The following TOMM70 variants were observed in gnomAD, a reference collection of about 807,000 sequenced individuals.
TOMM70 encodes translocase of outer mitochondrial membrane 70.
TOMM70 carries 13 observed loss-of-function variants against 73.6 expected under a neutral mutation model. That is an observed-to-expected ratio of 0.18 (90% CI 0.11 to 0.28). The LOEUF (loss-of-function observed/expected upper bound fraction) is 0.28, where lower values mean the gene tolerates loss of function less well. TOMM70 is among the 10% of genes least tolerant of loss of function. The pLI, the probability that TOMM70 is intolerant of heterozygous loss-of-function variation, is 1.00. For missense variants in TOMM70, 609 were observed against 747.5 expected, an observed-to-expected ratio of 0.81 and a Z score of 2.16; for synonymous variants, 257 against 271.2, an observed-to-expected ratio of 0.95 and a Z score of 0.51.
chr3:100,367,961 G>T, intron 11 of TOMM70, 83 bp downstream of exon 11: 1 of 1,385,986 alleles, frequency 7.2e-7, no homozygotes. Context: ...GAACATAACA[G>T]ACTTTAACAT....
At chr3:100,377,525 T>G in intron 6 of TOMM70, 180 bp downstream of exon 6, 1 of 607,100 alleles carries the variant, frequency 1.6e-6, no homozygotes, top group Non-Finnish European at 2.8e-6. Flanking sequence ...ATAAATATCA[T>G]TGATATTTAT....
At chr3:100,368,589 T>G (rs987578581) in intron 10 of TOMM70, among the ~76,000 whole-genome samples, 2 of 152,198 alleles carry the variant, frequency 1.3e-5, no homozygotes, top group Non-Finnish European at 2.9e-5. Context: ...CTTTTTGTTT[T>G]TTTTGGGACA....
intron 1 of TOMM70, among the ~76,000 whole-genome samples, chr3:100,387,459 C>A (rs766870993): frequency 6.6e-6 from 1 of 151,644 alleles, no homozygotes; most frequent in Non-Finnish European, 1.5e-5. Flanking sequence ...CCTGCCCCCC[C>A]AAAAAAGCAT....
At position 100,363,447 on chromosome 3, in the gene TOMM70, GAATA is replaced by G. The variant is rs961269480; in HGVS notation, c.*2113_*2116del. The G allele has an allele frequency of 5.9e-5, 9 of 152,558 alleles. No homozygotes were observed. Among genetic ancestry groups the G allele is most frequent in the Non-Finnish European group, 2.9e-5 (2 of 68,024 alleles). The allele number at this position is 152,558 out of a possible 1,614,324, so 9.5% of individuals were successfully genotyped here. A position where few individuals can be genotyped will look rare whatever the true frequency, so the allele number is the denominator to read the frequency against. Reference sequence around the variant, plus strand: ...TAAACTACCTATCTTTCTATTTAAAGAATAGATAGAAGAGCTTGAATGTAATATT... The same window carrying G: ...TAAACTACCTATCTTTCTATTTAAAGGATAGAAGAGCTTGAATGTAATATT... On this transcript the variant is annotated 3_prime_UTR_variant, in exon 12 of 12. Transcript: ENST00000284320.
rs202222925 is a variant in TOMM70 at position 100,386,179 on chromosome 3, T to C, written c.625+39A>G. 6.5e-5 allele frequency: 104 copies of C among 1,588,368 alleles called. 1 individual carries two copies. In the Middle Eastern group the frequency reaches 3.4e-3, roughly 52 times the overall value. On this transcript the variant is annotated intron_variant, in intron 3 of 11. Coordinates refer to ENST00000284320, the MANE Select transcript of TOMM70 (RefSeq NM_014820.5). Reference sequence around the variant, plus strand: ...TACATTTACCAATGACTACAAAATATTAAGTAATTTTCATATGTAAACACA... The same window carrying C: ...TACATTTACCAATGACTACAAAATACTAAGTAATTTTCATATGTAAACACA...
At chr3:100,373,398 A>G (rs113842792) in intron 8 of TOMM70, 140 bp downstream of exon 8, 18 of 604,462 alleles carry the variant, frequency 3.0e-5, no homozygotes, top group African/African-American at 1.7e-4. Context: ...CTAGGTATCA[A>G]TCAGCACCTT....
intron 9 of TOMM70, among the ~76,000 whole-genome samples, chr3:100,369,601 A>G (rs1706486400): frequency 6.6e-6 from 1 of 151,812 alleles, no homozygotes; most frequent in Non-Finnish European, 1.5e-5. Flanking sequence ...CTTGGGTTCA[A>G]GTGATCCCCC....
Position 100,384,570 on chromosome 3 carries a change from A to G in TOMM70, c.644T>C (p.Ile215Thr), listed in dbSNP as rs1706669183. Residue 215 changes from isoleucine (I) to threonine (T), a missense_variant, in exon 4 of 12, where the codon ATA (isoleucine) becomes ACA (threonine). Ile to Thr is a moderately conservative substitution (Grantham distance 89). This residue lies in a region of TOMM70 where 432 missense variants were observed against 584.1 expected (regional missense o/e 0.74). Transcript: ENST00000284320. ...ECLEDVTAVC[I>T]LEGFQNQQSM... The stretch of plus-strand genomic sequence containing the variant: ...TTGTTGATTTTGGAACCCTTCTAAT[A>G]TACACACAGCAGTGACATCTAGAAA... 1 of 1,605,114 alleles carries G rather than the reference A, an allele frequency of 6.2e-7. No homozygotes were observed. Among genetic ancestry groups the G allele is most frequent in the African/African-American group, 1.3e-5 (1 of 74,394 alleles).
chr3:100,398,970 C>A (rs1010286371), intron 1 of TOMM70, among the ~76,000 whole-genome samples: 8 of 152,182 alleles, frequency 5.3e-5, no homozygotes. Flanking sequence ...TCCTTTAAAG[C>A]TAATTTGACA....
At chr3:100,386,480 A>AG in intron 2 of TOMM70, 136 bp from the exon 3 acceptor site, 1 of 954,062 alleles carries the variant, frequency 1.0e-6, no homozygotes, top group Non-Finnish European at 1.5e-6. Context: ...TAATATCTGC[A>AG]ATATATTACA....
intron 1 of TOMM70, among the ~76,000 whole-genome samples, chr3:100,393,111 G>T (rs545533133): frequency 2.0e-4 from 30 of 151,912 alleles, no homozygotes; most frequent in Admixed American, 1.0e-3. Flanking sequence ...GGGCAGCAGA[G>T]GCTGCAGTAA....
At chr3:100,374,716 T>A (rs1302243056) in intron 7 of TOMM70, among the ~76,000 whole-genome samples, 1 of 152,208 alleles carries the variant, frequency 6.6e-6, no homozygotes, top group Non-Finnish European at 1.5e-5. Flanking sequence ...TTACTAAATG[T>A]TATTAATGTT....
At chr3:100,373,758 A>G (rs1161038428) in intron 7 of TOMM70, 113 bp from the exon 8 acceptor site, 1 of 586,954 alleles carries the variant, frequency 1.7e-6, no homozygotes, top group Admixed American at 3.8e-5. Context: ...GTAGTAATTC[A>G]ATATATAATT....
At chr3:100,387,599 G>GACACAGACACACAC (rs796319693) in intron 1 of TOMM70, among the ~76,000 whole-genome samples, 66 of 118,210 alleles carry the variant, frequency 5.6e-4, no homozygotes, top group African/African-American at 2.0e-3. Context: ...CACAGACACA[G>GACACAGACACACAC]ACACACACAC....
At chr3:100,384,677 G>A (rs1011018883) in intron 3 of TOMM70, 89 bp from the exon 4 acceptor site, 2 of 858,434 alleles carry the variant, frequency 2.3e-6, no homozygotes, top group Admixed American at 6.3e-5. Flanking sequence ...ACTACAGAAA[G>A]CCAAACTAAA....
rs1341986016 is a variant in TOMM70 at position 100,364,258 on chromosome 3, T to G, written c.*1306A>C. The G allele has an allele frequency of 6.6e-6, 1 of 152,192 alleles. No individual in the cohort carries two copies. The highest frequency in any genetic ancestry group is 2.4e-5 in the African/African-American group (1 of 41,430). The allele number at this position is 152,192 out of a possible 1,614,324, so 9.4% of individuals were successfully genotyped here. On this transcript the variant is annotated 3_prime_UTR_variant, in exon 12 of 12. Coordinates refer to ENST00000284320, the MANE Select transcript of TOMM70 (RefSeq NM_014820.5). Reference sequence around the variant, plus strand: ...TAGTGAAGACCTGGACCTGGGTAGTTAGTCCTTAGAGATCAAGGTTAGCTC... The same window carrying G: ...TAGTGAAGACCTGGACCTGGGTAGTGAGTCCTTAGAGATCAAGGTTAGCTC...
In TOMM70 at chr3:100,365,567, T is replaced by A; in HGVS notation, c.1824A>T (p.Leu608Phe). 1.9e-6 allele frequency: 3 copies of A among 1,614,206 alleles called. No homozygotes were observed. The highest frequency in any genetic ancestry group is 2.5e-6 in the Non-Finnish European group (3 of 1,180,000). Residue 608 changes from leucine to phenylalanine, a missense_variant, in exon 12 of 12, where the codon TTA becomes TTT. Leu to Phe is a conservative substitution (Grantham distance 22). Transcript: ENST00000284320. ...GTCAGTCTGCTTTCCCCCTGTTTTATAATGTTGGTGGTTTTAATCCGTATT... is the reference window on the plus strand; with the variant it reads ...GTCAGTCTGCTTTCCCCCTGTTTTAAAATGTTGGTGGTTTTAATCCGTATT... ...AKKYGLKPPTL is the reference protein window; with the variant it reads ...AKKYGLKPPTF
At position 100,400,710 on chromosome 3, in the gene TOMM70, G is replaced by C; in HGVS notation, c.240C>G (p.Asn80Lys). The C allele has an allele frequency of 6.2e-7, 1 of 1,610,902 alleles. No individual in the cohort carries two copies. Among genetic ancestry groups the C allele is most frequent in the Non-Finnish European group, 8.5e-7 (1 of 1,179,470 alleles). ...GRGDASGLKR[N>K]SERKTPEGRA... The stretch of plus-strand genomic sequence containing the variant: ...TGCCCTCCGGGGTCTTCCGTTCGCT[G>C]TTGCGCTTCAGGCCGCTGGCGTCGC... The change falls in exon 1 of 12, where the codon AAC becomes AAG. Residue 80 changes from asparagine to lysine, a missense_variant. Around this residue, in one of 2 missense-constraint regions of TOMM70, gnomAD observed 177 missense variants for 163.5 expected, o/e 1.08. Coordinates refer to ENST00000284320, the MANE Select transcript of TOMM70 (RefSeq NM_014820.5).
At chr3:100,383,535 A>AC (rs1706659641) in intron 4 of TOMM70, among the ~76,000 whole-genome samples, 1 of 151,720 alleles carries the variant, frequency 6.6e-6, no homozygotes, top group Admixed American at 6.6e-5. Flanking sequence ...AAAAAAAAAA[A>AC]ACAGAGAGAG....
Sources: allele counts gnomAD v4.1 joint callset (sites outside exome capture counted in the v4.1 genomes callset), GRCh38; gene constraint gnomAD v4.1.1; regional missense constraint gnomAD v4.1.1; transcripts MANE v1.5; gene names NCBI Gene and HGNC (gene_info 2026-07-23, HGNC 2026-07-21).